Variants in TMPRSS15 observed in about 807,000 individuals in gnomAD.
TMPRSS15 encodes enteropeptidase.
In TMPRSS15, 128 loss-of-function variants were observed where a neutral mutation model predicts 125.3. The observed-to-expected ratio is 1.02, with a 90% CI of 0.89 to 1.18. TMPRSS15 has a LOEUF of 1.18. Among genes scored for constraint, TMPRSS15 ranks in the 50% most tolerant of loss-of-function variants. TMPRSS15 has a pLI of 0.00. For synonymous variants in TMPRSS15, 446 were observed against 423.2 expected, an observed-to-expected ratio of 1.05 and a Z score of -0.66; for missense variants, 1,283 against 1,212.7, an observed-to-expected ratio of 1.06 and a Z score of -0.86.
At chr21:18,274,461 G>A (rs2074596776) in intron 24 of TMPRSS15, among the ~76,000 whole-genome samples, 1 of 152,132 alleles carries the variant, frequency 6.6e-6, no homozygotes, top group African/African-American at 2.4e-5. Context: ...ATTACTCTTA[G>A]GTGGCAAGAT....
At chr21:18,456,545 T>C (rs1009268760) in intron 1 of TMPRSS15, among the ~76,000 whole-genome samples, 8 of 152,150 alleles carry the variant, frequency 5.3e-5, no homozygotes, top group African/African-American at 1.9e-4. Context: ...CTACCTAGTT[T>C]CCTAAATTCC....
At chr21:18,304,863 C>CT (rs1023516459) in intron 18 of TMPRSS15, among the ~76,000 whole-genome samples, 5 of 152,078 alleles carry the variant, frequency 3.3e-5, no homozygotes, top group Non-Finnish European at 5.9e-5. Flanking sequence ...TAAAAATACT[C>CT]TTTTTTGTGT....
chr21:18,334,746 G>A (rs1040991708), intron 13 of TMPRSS15, among the ~76,000 whole-genome samples: 11 of 152,086 alleles, frequency 7.2e-5, no homozygotes, highest in African/African-American at 2.7e-4. Flanking sequence ...GGTTAATCTC[G>A]AGCTCATCCC....
intron 10 of TMPRSS15, among the ~76,000 whole-genome samples, chr21:18,345,728 G>C (rs7281997): frequency 0.94 from 86,888 of 92,854 alleles, 41,048 homozygotes; most frequent in East Asian, 1. Flanking sequence ...GCGACAGAGT[G>C]AGACTCCGTC....
intron 18 of TMPRSS15, among the ~76,000 whole-genome samples, chr21:18,306,887 T>C (rs958914260): frequency 6.6e-6 from 1 of 151,988 alleles, no homozygotes; most frequent in Admixed American, 6.6e-5. Flanking sequence ...TTTATGCATG[T>C]AATGAATGAT....
intron 1 of TMPRSS15, among the ~76,000 whole-genome samples, chr21:18,480,876 T>C (rs1313810333): frequency 6.6e-6 from 1 of 151,876 alleles, no homozygotes; most frequent in African/African-American, 2.4e-5. Context: ...GGAGGCTGCC[T>C]AGCTAGTCAC....
At chr21:18,366,811 T>C (rs957895131) in intron 6 of TMPRSS15, among the ~76,000 whole-genome samples, 2 of 152,144 alleles carry the variant, frequency 1.3e-5, no homozygotes, top group Non-Finnish European at 2.9e-5. Flanking sequence ...ATTAATTTGC[T>C]GTGTTTGGAA....
At chr21:18,372,058 A>G (rs2075796690) in intron 6 of TMPRSS15, 135 bp downstream of exon 6, 3 of 568,174 alleles carry the variant, frequency 5.3e-6, no homozygotes, top group Middle Eastern at 4.6e-4. Flanking sequence ...AGCTATTTAA[A>G]TAGCTCATTC....
intron 3 of TMPRSS15, 34 bp from the exon 4 acceptor site, chr21:18,383,812 T>C (rs1448972830): frequency 1.2e-6 from 2 of 1,603,006 alleles, no homozygotes; most frequent in Non-Finnish European, 1.7e-6. Context: ...GAGGAAAAAG[T>C]CAGCCATCTT....
intron 14 of TMPRSS15, among the ~76,000 whole-genome samples, chr21:18,330,735 T>C (rs1413656620): frequency 6.6e-6 from 1 of 152,190 alleles, no homozygotes; most frequent in African/African-American, 2.4e-5. Flanking sequence ...GTTCCACTTC[T>C]TGTTGGATTT....
intron 3 of TMPRSS15, among the ~76,000 whole-genome samples, chr21:18,389,623 T>C (rs1283317281): frequency 1.3e-5 from 2 of 152,134 alleles, no homozygotes; most frequent in South Asian, 4.1e-4. Context: ...CAGGCCTATA[T>C]ATAAAAGTCT....
At chr21:18,439,579 T>C (rs543026218) in intron 1 of TMPRSS15, among the ~76,000 whole-genome samples, 133 of 152,288 alleles carry the variant, frequency 8.7e-4, no homozygotes, top group African/African-American at 3.1e-3. Context: ...TCAAATAGCA[T>C]TGGTCATCGT....
chr21:18,305,206 T>TTTTTTG (rs1568995469), intron 18 of TMPRSS15, among the ~76,000 whole-genome samples: 1 of 145,202 alleles, frequency 6.9e-6, no homozygotes, highest in Admixed American at 6.8e-5. Flanking sequence ...TTTTTTTTTT[T>TTTTTTG]GAGACGGAGT....
chr21:18,440,327 C>T (rs897911607), intron 1 of TMPRSS15, among the ~76,000 whole-genome samples: 3 of 135,616 alleles, frequency 2.2e-5, no homozygotes, highest in African/African-American at 5.7e-5. Flanking sequence ...GAGTCGAGAT[C>T]GCGCCACTGC....
At chr21:18,428,819 G>T (rs1569066978) in intron 1 of TMPRSS15, among the ~76,000 whole-genome samples, 1 of 152,238 alleles carries the variant, frequency 6.6e-6, no homozygotes, top group Non-Finnish European at 1.5e-5. Context: ...AAAATGTGGG[G>T]TTGGAGCACA....
chr21:18,340,683 A>G (rs973160707), intron 13 of TMPRSS15, among the ~76,000 whole-genome samples: 11 of 152,192 alleles, frequency 7.2e-5, no homozygotes, highest in Non-Finnish European at 1.5e-4. Flanking sequence ...TATTTTAAAA[A>G]TAGACACAGT....
chr21:18,282,557 C>T (rs913741260), intron 21 of TMPRSS15, among the ~76,000 whole-genome samples: 2 of 152,302 alleles, frequency 1.3e-5, no homozygotes, highest in East Asian at 3.9e-4. Flanking sequence ...TATGTTTGGT[C>T]AGGTAGCAGT....
intron 1 of TMPRSS15, among the ~76,000 whole-genome samples, chr21:18,474,035 A>C (rs775589177): frequency 1.3e-5 from 2 of 152,100 alleles, no homozygotes; most frequent in African/African-American, 4.8e-5. Context: ...GAAGCTAGTG[A>C]TCATTAAGTT....
chr21:18,418,242 A>C (rs559271541), intron 1 of TMPRSS15, among the ~76,000 whole-genome samples: 4 of 152,310 alleles, frequency 2.6e-5, no homozygotes, highest in Non-Finnish European at 5.9e-5. Flanking sequence ...ACAGTGTCTA[A>C]GGGATACCTT....
Sources: allele counts gnomAD v4.1 joint callset (sites outside exome capture counted in the v4.1 genomes callset), GRCh38; gene constraint gnomAD v4.1.1; transcripts MANE v1.5; gene names NCBI Gene and HGNC (gene_info 2026-07-23, HGNC 2026-07-21).